The following FUS variants were observed in gnomAD, a reference collection of about 807,000 sequenced individuals.
FUS encodes RNA-binding protein FUS.
In FUS, 5 loss-of-function variants were observed where a neutral mutation model predicts 82.7. The ratio of observed to expected loss-of-function variants is 0.06; its 90% confidence interval spans 0.03 to 0.13. The LOEUF (loss-of-function observed/expected upper bound fraction) is 0.13. Among genes scored for constraint, FUS ranks in the 10% least tolerant of loss-of-function variants. The probability of loss-of-function intolerance (pLI) is 1.00; values close to 1 mark genes in which losing one functional copy is unlikely to be tolerated. For synonymous variants in FUS, 281 were observed against 247.4 expected, an observed-to-expected ratio of 1.14 and a Z score of -1.27; for missense variants, 512 against 707.8, an observed-to-expected ratio of 0.72 and a Z score of 3.14.
chr16:31,191,620 C>T (rs1388051912), downstream of FUS: 3 of 737,684 alleles, frequency 4.1e-6, no homozygotes, highest in Admixed American at 2.0e-5. Context: ...GTTCCTCTTC[C>T]CCCTTTTCAC....
At chr16:31,183,705 G>T in intron 3 of FUS, 153 bp from the exon 4 acceptor site, 1 of 890,854 alleles carries the variant, frequency 1.1e-6, no homozygotes, top group South Asian at 1.4e-5. Context: ...GCTTTGAAAG[G>T]AGGGTAACTA....
At chr16:31,181,053 T>A (rs111329726) in intron 1 of FUS, among the ~76,000 whole-genome samples, 1,743 of 152,224 alleles carry the variant, frequency 0.011, 28 homozygotes, top group African/African-American at 0.04. Context: ...GTTGGGATTA[T>A]AGGCGCCCGC....
In FUS at chr16:31,184,283, G is replaced by GTGGACAGCAGCAAAGCTA. The variant is rs747579808; in HGVS notation, c.430_447dup (p.Gly144_Tyr149dup). On this transcript the variant is annotated inframe_insertion, in exon 5 of 15. Transcript: ENST00000254108. ...AGCTACAGCCAGCAGCCTAGCTATG[G>GTGGACAGCAGCAAAGCTA]TGGACAGCAGCAAAGCTATGGACAG... is the stretch of plus-strand genomic sequence containing the variant. 3.1e-6 allele frequency: 5 copies of GTGGACAGCAGCAAAGCTA among 1,614,166 alleles called. No individual in the cohort carries two copies. Among genetic ancestry groups the GTGGACAGCAGCAAAGCTA allele is most frequent in the Admixed American group, 3.3e-5 (2 of 60,016 alleles).
At chr16:31,184,435 TTTC>T in intron 5 of FUS, 39 bp downstream of exon 5, 1 of 1,546,178 alleles carries the variant, frequency 6.5e-7, no homozygotes, top group Non-Finnish European at 8.8e-7. Context: ...CCATTTTCTT[TTTC>T]TTTTTTTTTT....
rs765945796 is a variant in FUS at position 31,180,181 on chromosome 16, C to A, written c.-34C>A. 3.1e-6 allele frequency: 5 copies of A among 1,608,594 alleles called. No individual in the cohort carries two copies. The South Asian group carries it at 3.3e-5, about 11-fold the overall frequency. ...TCGGTACTCAGCGGTGTTGGAACTTCGTTGCTTGCTTGCCTGTGCGCGCGT... is the reference window on the plus strand; with the variant it reads ...TCGGTACTCAGCGGTGTTGGAACTTAGTTGCTTGCTTGCCTGTGCGCGCGT... On this transcript the variant is annotated 5_prime_UTR_variant, in exon 1 of 15. Coordinates refer to ENST00000254108, the MANE Select transcript of FUS (RefSeq NM_004960.4).
chr16:31,192,841 G>T (rs1411143347), downstream of FUS: 2 of 483,672 alleles, frequency 4.1e-6, no homozygotes, highest in East Asian at 9.8e-5. Context: ...CAAAGTGCTG[G>T]AATTACAGGC....
chr16:31,191,486 G>C lies in FUS; in HGVS notation c.*48G>C. 1.9e-6 allele frequency: 3 copies of C among 1,595,572 alleles called. No individual in the cohort carries two copies. Among genetic ancestry groups the C allele is most frequent in the Admixed American group, 3.3e-5 (2 of 59,916 alleles). Reference sequence around the variant, plus strand: ...GGAACAGCTTTTTGTCCTGTACCCAGTGTTACCCTCGTTATTTTGTAACCT... The same window carrying C: ...GGAACAGCTTTTTGTCCTGTACCCACTGTTACCCTCGTTATTTTGTAACCT... On this transcript the variant is annotated 3_prime_UTR_variant, in exon 15 of 15. Coordinates refer to ENST00000254108, the MANE Select transcript of FUS (RefSeq NM_004960.4).
chr16:31,189,352 TA>T, intron 9 of FUS, 126 bp downstream of exon 9: 1 of 858,628 alleles, frequency 1.2e-6, no homozygotes. Flanking sequence ...GTTGCCAGCT[TA>T]ATTTGTTGAG....
intron 3 of FUS, chr16:31,182,867 C>T: frequency 1.7e-6 from 1 of 603,738 alleles, no homozygotes; most frequent in Non-Finnish European, 2.9e-6. Flanking sequence ...CAGGTACCTG[C>T]TACCACGCCT....
At chr16:31,194,436 G>A (rs1186840702), downstream of FUS, 10 of 507,456 alleles carry the variant, frequency 2.0e-5, no homozygotes, top group African/African-American at 5.8e-5. Flanking sequence ...CGGGACTACA[G>A]GCACCTGCCA....
downstream of FUS, chr16:31,192,716 G>A (rs1039254559): frequency 8.3e-6 from 4 of 481,502 alleles, no homozygotes; most frequent in African/African-American, 5.9e-5. Context: ...GACTACAGGC[G>A]TGGGCCACCA....
At position 31,188,264 on chromosome 16, in the gene FUS, A is replaced by G. The variant is rs1224457645; in HGVS notation, c.800-61A>G. On this transcript the variant is annotated intron_variant, in intron 7 of 14. Coordinates refer to ENST00000254108, the MANE Select transcript of FUS (RefSeq NM_004960.4). ...CCTTGTCCGTTTTTTCCTGTTGACT[A>G]ACGGCTCATCTTTTCCTTGTTTTTG... is the stretch of plus-strand genomic sequence containing the variant. 7 of 1,567,218 alleles carry G rather than the reference A, an allele frequency of 4.5e-6. No homozygotes were observed. In the East Asian group the frequency reaches 1.3e-4, roughly 30 times the overall value.
chr16:31,188,756 T>G, intron 8 of FUS: 1 of 467,086 alleles, frequency 2.1e-6, no homozygotes, highest in Non-Finnish European at 3.9e-6. Flanking sequence ...TTAGGTTGTA[T>G]TGATGTTTGT....
intron 3 of FUS, 88 bp downstream of exon 3, chr16:31,182,752 T>C (rs538746800): frequency 1.3e-6 from 2 of 1,549,860 alleles, no homozygotes; most frequent in East Asian, 4.5e-5. Flanking sequence ...AGTCTGGTCC[T>C]GTTGCCCAGG....
At chr16:31,189,509 T>C (rs1191232427) in intron 9 of FUS, among the ~76,000 whole-genome samples, 156 bp from the exon 10 acceptor site, 1 of 152,230 alleles carries the variant, frequency 6.6e-6, no homozygotes, top group Non-Finnish European at 1.5e-5. Context: ...AGAGACAGTT[T>C]TCTTTAATGG....
chr16:31,186,923 A>G (rs2079279165), intron 7 of FUS, 87 bp downstream of exon 7: 1 of 1,357,298 alleles, frequency 7.4e-7, no homozygotes, highest in Admixed American at 1.7e-5. Context: ...GTGTTAATTT[A>G]AATGTCAAAG....
At chr16:31,192,201 AG>A, downstream of FUS, 1 of 527,656 alleles carries the variant, frequency 1.9e-6, no homozygotes, top group Middle Eastern at 5.3e-4. Context: ...CTGTACTCAG[AG>A]GGCTTGAGGT....
chr16:31,192,728 G>A (rs998891997), downstream of FUS: 5 of 481,106 alleles, frequency 1.0e-5, no homozygotes, highest in Admixed American at 9.3e-5. Flanking sequence ...GGGCCACCAT[G>A]CCCACCTAGT....
chr16:31,190,466 T>G (rs920046927), intron 12 of FUS, 68 bp downstream of exon 12: 1 of 1,605,920 alleles, frequency 6.2e-7, no homozygotes, highest in African/African-American at 1.3e-5. Context: ...GGTACTGAGG[T>G]ATGTGCGTGT....
Sources: gnomAD v4.1 joint callset for allele counts (sites outside exome capture counted in the v4.1 genomes callset) on GRCh38, gnomAD v4.1.1 for gene constraint, MANE v1.5 for transcripts, NCBI Gene and HGNC (gene_info 2026-07-23, HGNC 2026-07-21) for gene names.